PREB: variants seen among roughly 807,000 people sequenced by gnomAD.
The protein encoded by PREB is prolactin regulatory element binding.
Under a neutral mutation model 46.7 loss-of-function variants are expected in PREB, and 29 were observed. The ratio of observed to expected loss-of-function variants is 0.62; its 90% CI spans 0.46 to 0.85. The LOEUF (loss-of-function observed/expected upper bound fraction) is 0.85, where lower values mean the gene tolerates loss of function less well. PREB is among the 40% of genes least tolerant of loss of function. The pLI, the probability that PREB is intolerant of heterozygous loss-of-function variation, is 0.00. For synonymous variants in PREB, 224 were observed against 220.1 expected, an observed-to-expected ratio of 1.02 and a Z score of -0.16; for missense variants, 494 against 528.4, an observed-to-expected ratio of 0.93 and a Z score of 0.64.
In PREB at chr2:27,132,639, G is replaced by A. The variant is rs1326098137; in HGVS notation, c.716C>T (p.Thr239Ile). ...TQLHWQENGPTFSSTPYRYQA... is the reference protein window; with the variant it reads ...TQLHWQENGPIFSSTPYRYQA... ...GTAGCGGTAAGGTGTGCTGGAAAAG[G>A]TGGGTCCATTTTCTTGCCAGTGCAG... Residue 239 changes from threonine to isoleucine, a missense_variant, in exon 5 of 9, where the codon ACC becomes ATC. Thr to Ile is a moderately conservative substitution (Grantham distance 89). Coordinates refer to ENST00000260643, the MANE Select transcript of PREB (RefSeq NM_013388.6). This position sits in a 1 kb window ranked among gnomAD's most constrained non-coding sequence, Gnocchi z 4.0. 3 of 1,614,162 alleles carry A rather than the reference G, an allele frequency of 1.9e-6. No homozygotes were observed. Among genetic ancestry groups the A allele is most frequent in the East Asian group, 4.5e-5 (2 of 44,882 alleles).
intron 1 of PREB, chr2:27,133,983 A>G: frequency 1.7e-6 from 1 of 604,034 alleles, no homozygotes; most frequent in South Asian, 2.1e-5. Flanking sequence ...CGCCGCTGCT[A>G]GAGGGCAGGC....
chr2:27,134,324 C>T lies in PREB; in HGVS notation c.98G>A (p.Gly33Glu), dbSNP rs1672408599. ...PSTGLLIAAG[G>E]GGAAKTGIKN... Reference sequence around the variant, plus strand: ...TATGCCTGTCTTGGCGGCGCCTCCTCCGCCCGCAGCGATGAGCAGCCCAGT... The same window carrying T: ...TATGCCTGTCTTGGCGGCGCCTCCTTCGCCCGCAGCGATGAGCAGCCCAGT... Residue 33 changes from glycine to glutamate, a missense_variant, in exon 1 of 9, where the codon GGA becomes GAA. Physicochemically the swap from Gly to Glu is moderately conservative, Grantham distance 98. Coordinates refer to ENST00000260643, the MANE Select transcript of PREB (RefSeq NM_013388.6). The T allele has an allele frequency of 1.2e-6, 2 of 1,611,432 alleles. No individual in the cohort carries two copies. The highest frequency in any genetic ancestry group is 1.7e-6 in the Non-Finnish European group (2 of 1,179,458).
intron 3 of PREB, 73 bp downstream of exon 3, chr2:27,133,044 C>A: frequency 6.3e-7 from 1 of 1,586,390 alleles, no homozygotes; most frequent in South Asian, 1.1e-5. Flanking sequence ...TTCCCAGATG[C>A]CACGTTCAAC....
rs1276110981 is a variant in PREB, at chr2:27,134,579, C to A, written c.-158G>T. ...GGGGAGTTGCCAAAACCCTGACCATCAGCAGGAAGCCGAGCCTCAGCTCGG... is the reference window on the plus strand; with the variant it reads ...GGGGAGTTGCCAAAACCCTGACCATAAGCAGGAAGCCGAGCCTCAGCTCGG... On this transcript the variant is annotated 5_prime_UTR_variant, in exon 1 of 9. Transcript: ENST00000260643. 5.2e-6 allele frequency: 7 copies of A among 1,344,870 alleles called. No homozygotes were observed. The highest frequency in any genetic ancestry group is 3.9e-5 in the Admixed American group (1 of 25,668). The allele number at this position is 1,344,870 out of a possible 1,614,324, so 83.3% of individuals were successfully genotyped here. A position where few individuals can be genotyped will look rare whatever the true frequency, so the allele number is the denominator to read the frequency against.
chr2:27,133,789 G>T (rs1672386842), intron 1 of PREB, 68 bp from the exon 2 acceptor site: 1 of 1,485,774 alleles, frequency 6.7e-7, no homozygotes, highest in African/African-American at 1.4e-5. Context: ...GGAAGAGTCT[G>T]ATGTCTTACC....
chr2:27,131,759 C>T lies in PREB; in HGVS notation c.1072G>A (p.Gly358Ser). 1 of 1,614,082 alleles carries T rather than the reference C, an allele frequency of 6.2e-7. No individual in the cohort carries two copies. Among genetic ancestry groups the T allele is most frequent in the South Asian group, 1.1e-5 (1 of 91,080 alleles). The change falls in exon 8 of 9, where the codon GGT becomes AGT. Residue 358 changes from glycine to serine, a missense_variant. Coordinates refer to ENST00000260643, the MANE Select transcript of PREB (RefSeq NM_013388.6). ...DVAFLPEKGR[G>S]PELLGSHETA... ...TCATGGGACCCAAGGAGCTCTGGAC[C>T]ACGACCCTTCTCAGGTAGAAAGGCC...
intron 1 of PREB, chr2:27,134,049 T>C (rs905894043): frequency 1.1e-5 from 7 of 647,344 alleles, no homozygotes; most frequent in Non-Finnish European, 1.8e-5. Context: ...GAGGCGGAGC[T>C]GAAGCGTTCC....
chr2:27,134,169 C>T, intron 1 of PREB, 118 bp downstream of exon 1: 1 of 1,319,262 alleles, frequency 7.6e-7, no homozygotes, highest in Non-Finnish European at 1.0e-6. Flanking sequence ...GCGGGTCTTC[C>T]CAACAGAAGT....
In PREB at chr2:27,132,457, A is replaced by C; in HGVS notation, c.753-54T>G. 2 of 1,593,120 alleles carry C rather than the reference A, an allele frequency of 1.3e-6. No homozygotes were observed. The highest frequency in any genetic ancestry group is 1.7e-6 in the Non-Finnish European group (2 of 1,168,724). On this transcript the variant is annotated intron_variant, in intron 5 of 8. Coordinates refer to ENST00000260643, the MANE Select transcript of PREB (RefSeq NM_013388.6). The surrounding 1 kb of genome is among the most constrained non-coding windows in gnomAD (Gnocchi z 4.0). ...TCCTAGGGCCTGCCCAACCCTCCTCAGAGGTTTGTGCACCACCTGCACCCT... is the reference window on the plus strand; with the variant it reads ...TCCTAGGGCCTGCCCAACCCTCCTCCGAGGTTTGTGCACCACCTGCACCCT...
chr2:27,132,781 GC>G lies in PREB; in HGVS notation c.628-55del. 6.2e-7 allele frequency: 1 copy of G among 1,613,322 alleles called. No individual in the cohort carries two copies. Among genetic ancestry groups the G allele is most frequent in the East Asian group, 2.2e-5 (1 of 44,868 alleles). The stretch of plus-strand genomic sequence containing the variant: ...GACAGTTAGGGGATCCACTTACTGG[GC>G]AAGCAGCATAAGCACCTCCTCTCTC... On this transcript the variant is annotated intron_variant, in intron 4 of 8. Transcript: ENST00000260643. This position sits in a 1 kb window ranked among gnomAD's most constrained non-coding sequence, Gnocchi z 4.0.
chr2:27,133,312 T>C lies in PREB; in HGVS notation c.351A>G (p.Gln117=), dbSNP rs148227174. 1.2e-3 allele frequency: 2,003 copies of C among 1,614,174 alleles called. 3 individuals carry two copies. Among genetic ancestry groups the C allele is most frequent in the Middle Eastern group, 1.8e-3 (11 of 6,062 alleles). ...TCTCTGCTGGGGCTGCTCCCTTCCT[T>C]TGTCGAGGCCCCTGCTCCTTGGAAC... is the stretch of plus-strand genomic sequence containing the variant. ...KAGSKEQGPR[Q]RKGAAPAEKK... Residue 117 remains glutamine, a synonymous_variant, in exon 3 of 9, where the codon CAA becomes CAG. Coordinates refer to ENST00000260643, the MANE Select transcript of PREB (RefSeq NM_013388.6).
At chr2:27,134,206 C>T in intron 1 of PREB, 81 bp downstream of exon 1, 1 of 1,442,226 alleles carries the variant, frequency 6.9e-7, no homozygotes, top group Non-Finnish European at 9.2e-7. Flanking sequence ...TGGAGTGTGG[C>T]CCGCCCCGCG....
At position 27,134,080 on chromosome 2, in the gene PREB, G is replaced by A. The variant is rs1672397375; in HGVS notation, c.135+207C>T. ...GTTCCTGGCGACTCTGCAGCTGTGT[G>A]CAGTTTTCACTTTACCTTAAAAGCC... On this transcript the variant is annotated intron_variant, in intron 1 of 8. Transcript: ENST00000260643. 3 of 709,934 alleles carry A rather than the reference G, an allele frequency of 4.2e-6. No individual in the cohort carries two copies. In the South Asian group the frequency reaches 5.7e-5, roughly 14 times the overall value. 44.0% of individuals were successfully genotyped at this position (709,934 alleles called of 1,614,324 possible).
At chr2:27,131,624 G>C in intron 8 of PREB, 48 bp downstream of exon 8, 1 of 1,605,836 alleles carries the variant, frequency 6.2e-7, no homozygotes, top group African/African-American at 1.3e-5. Context: ...CACGTTTCTG[G>C]TCATTAAACG....
At position 27,131,321 on chromosome 2, in the gene PREB, G is replaced by T; in HGVS notation, c.*93C>A. The T allele has an allele frequency of 8.5e-7, 1 of 1,176,956 alleles. No individual in the cohort carries two copies. Among genetic ancestry groups the T allele is most frequent in the Non-Finnish European group, 1.2e-6 (1 of 812,220 alleles). 72.9% of individuals were successfully genotyped at this position (1,176,956 alleles called of 1,614,324 possible). A position where few individuals can be genotyped will look rare whatever the true frequency, so the allele number is the denominator to read the frequency against. On this transcript the variant is annotated 3_prime_UTR_variant, in exon 9 of 9. Coordinates refer to ENST00000260643, the MANE Select transcript of PREB (RefSeq NM_013388.6). ...TCTTGTCAGCGGCAACCTCAGCTGT[G>T]GACCCGAATGGAGTGAGCAAAGGGA...
chr2:27,133,627 A>T lies in PREB; in HGVS notation c.230T>A (p.Leu77Gln), dbSNP rs770796200. 1 of 1,614,260 alleles carries T rather than the reference A, an allele frequency of 6.2e-7. No individual in the cohort carries two copies. The highest frequency in any genetic ancestry group is 1.1e-5 in the South Asian group (1 of 91,084). ...CCCTGCAGCAAGGATGTCACCAGCC[A>T]GTGCCAAGTTCATGGTGGCCCGTGT... ...TETRATMNLA[L>Q]AGDILAAGQD... Residue 77 changes from leucine (L) to glutamine (Q), a missense_variant, in exon 2 of 9, where the codon CTG (leucine) becomes CAG (glutamine). By Grantham distance (113) the Leu-to-Gln change is moderately radical (BLOSUM62 -2). Coordinates refer to ENST00000260643, the MANE Select transcript of PREB (RefSeq NM_013388.6).
rs1672263405 is a variant in PREB, at chr2:27,131,491, G to A, written c.1177C>T (p.Leu393Phe). The A allele has an allele frequency of 6.3e-7, 1 of 1,586,592 alleles. No homozygotes were observed. The change falls in exon 9 of 9, where the codon CTC (leucine) becomes TTC (phenylalanine). Residue 393 changes from leucine (L) to phenylalanine (F), a missense_variant. Coordinates refer to ENST00000260643, the MANE Select transcript of PREB (RefSeq NM_013388.6). ...LPSRRSVPVW[L>F]LLLLCVGLII... ...AGCCCGACACACAGCAGGAGCAGGA[G>A]CCACACAGGAACACTCCCTGCAGGA... is the stretch of plus-strand genomic sequence containing the variant.
rs145631757 is a variant in PREB at position 27,131,674 on chromosome 2, C to T, written c.1157G>A (p.Arg386Gln). 5.8e-5 allele frequency: 93 copies of T among 1,613,852 alleles called. 1 individual carries two copies. The highest frequency in any genetic ancestry group is 4.8e-4 in the African/African-American group (36 of 75,014). Residue 386 changes from arginine to glutamine, a missense_variant and splice_region_variant, in exon 8 of 9, where the codon CGG becomes CAG. By Grantham distance (43) the Arg-to-Gln change is conservative. Transcript: ENST00000260643. ...CCTGCCCTGCCCCAATGACTCACGC[C>T]GTGAGGGCAACAGATGCAGCTGGCA... Reference protein sequence around the residue: ...SRCQLHLLPSRRSVPVWLLLL... With the variant: ...SRCQLHLLPSQRSVPVWLLLL...
In PREB at chr2:27,134,471, G is replaced by A. The variant is rs1359023338; in HGVS notation, c.-50C>T. On this transcript the variant is annotated 5_prime_UTR_variant, in exon 1 of 9. Transcript: ENST00000260643. ...CGCACCGCGGCACCCAGGACATGCCGCGCCGGGCCTTCGACTACTGCCCCG... is the reference window on the plus strand; with the variant it reads ...CGCACCGCGGCACCCAGGACATGCCACGCCGGGCCTTCGACTACTGCCCCG... 2.1e-6 allele frequency: 3 copies of A among 1,435,688 alleles called. No homozygotes were observed. The highest frequency in any genetic ancestry group is 3.2e-5 in the Admixed American group (1 of 31,472). 88.9% of individuals were successfully genotyped at this position (1,435,688 alleles called of 1,614,324 possible). A position where few individuals can be genotyped will look rare whatever the true frequency, so the allele number is the denominator to read the frequency against.
Sources: allele counts gnomAD v4.1 joint callset, GRCh38; gene constraint gnomAD v4.1.1; non-coding constraint Gnocchi (gnomAD v3.1); transcripts MANE v1.5; gene names NCBI Gene and HGNC (gene_info 2026-07-23, HGNC 2026-07-21).